The following TPD52L1 variants were observed in gnomAD, a reference collection of about 807,000 sequenced individuals.
TPD52L1 encodes tumor protein D53.
A neutral mutation model predicts 28.7 loss-of-function variants in TPD52L1; 18 were observed. The ratio of observed to expected loss-of-function variants is 0.63; its 90% CI spans 0.43 to 0.93. The LOEUF is 0.93. Ranked by LOEUF, TPD52L1 falls within the 40% of genes least tolerant of loss-of-function variation. The pLI is 0.00. For missense variants in TPD52L1, 203 were observed against 254.8 expected (o/e 0.80, Z 1.39); for synonymous variants, 75 against 88.8 (o/e 0.84, Z 0.88).
intron 5 of TPD52L1, among the ~76,000 whole-genome samples, chr6:125,255,351 C>A (rs1209271719): frequency 6.6e-6 from 1 of 152,180 alleles, no homozygotes; most frequent in Non-Finnish European, 1.5e-5. Context: ...CCAAATAAAA[C>A]CTGCAATGGA....
chr6:125,258,494 T>A (rs940180193), intron 6 of TPD52L1, among the ~76,000 whole-genome samples: 1 of 152,226 alleles, frequency 6.6e-6, no homozygotes, highest in Non-Finnish European at 1.5e-5. Context: ...CATTTGGTTT[T>A]CAGCCTTAGA....
intron 1 of TPD52L1, among the ~76,000 whole-genome samples, chr6:125,169,129 T>G (rs1229201961): frequency 6.6e-6 from 1 of 152,122 alleles, no homozygotes; most frequent in Non-Finnish European, 1.5e-5. Context: ...TTGGCGGGGT[T>G]GCCCACTATC....
intron 1 of TPD52L1, among the ~76,000 whole-genome samples, chr6:125,177,066 A>T (rs75167401): frequency 0.06 from 9,093 of 152,174 alleles, 345 homozygotes; most frequent in Middle Eastern, 0.095. Context: ...GTAAAAATGA[A>T]AAAAGAATCT....
Position 125,229,264 on chromosome 6 carries a change from T to C in TPD52L1, c.282T>C (p.Thr94=). Residue 94 remains threonine, a splice_region_variant and synonymous_variant, in exon 3 of 7, where the codon ACT becomes ACC. Coordinates refer to ENST00000534000, the MANE Select transcript of TPD52L1 (RefSeq NM_003287.4). The stretch of plus-strand genomic sequence containing the variant: ...GCTGGCATGACATGCAGACTACCAC[T>C]GCGTAAGTATCATATGAACAGTGTT... The part of the protein sequence containing the change: ...SKSWHDMQTT[T]AYKKTHETLS... The C allele has an allele frequency of 6.2e-7, 1 of 1,611,228 alleles. No individual in the cohort carries two copies. Among genetic ancestry groups the C allele is most frequent in the Non-Finnish European group, 8.5e-7 (1 of 1,178,874 alleles).
intron 1 of TPD52L1, among the ~76,000 whole-genome samples, chr6:125,216,527 GTGTATATATATATATA>G (rs1437780491): frequency 1.1e-3 from 44 of 40,184 alleles, no homozygotes; most frequent in African/African-American, 2.9e-3. Context: ...CAGTATGTGT[GTGTATATATATATATA>G]TATATATATA....
At chr6:125,194,678 G>A (rs149697944) in intron 1 of TPD52L1, among the ~76,000 whole-genome samples, 8 of 152,276 alleles carry the variant, frequency 5.3e-5, no homozygotes, top group African/African-American at 7.2e-5. Flanking sequence ...CTGCCGAAAC[G>A]AGAATGAAAT....
chr6:125,163,262 T>C (rs1790640651), intron 1 of TPD52L1, among the ~76,000 whole-genome samples: 2 of 152,230 alleles, frequency 1.3e-5, no homozygotes. Flanking sequence ...TTAGTGTTTT[T>C]ACAAATGTCA....
intron 2 of TPD52L1, among the ~76,000 whole-genome samples, chr6:125,224,470 CCTCTCTCTCT>C (rs58505448): frequency 7.0e-6 from 1 of 143,274 alleles, no homozygotes; most frequent in Non-Finnish European, 1.5e-5. Context: ...AGGCTCTGGG[CCTCTCTCTCT>C]CTCTCTCTCT....
At chr6:125,250,990 C>T (rs535909842) in intron 4 of TPD52L1, among the ~76,000 whole-genome samples, 6 of 152,236 alleles carry the variant, frequency 3.9e-5, no homozygotes, top group East Asian at 1.9e-4. Context: ...CAAACTATAT[C>T]TAACATTTGT....
chr6:125,228,194 T>C (rs1468081928), intron 2 of TPD52L1, among the ~76,000 whole-genome samples: 2 of 152,094 alleles, frequency 1.3e-5, no homozygotes, highest in African/African-American at 4.8e-5. Context: ...AGTCAGTGGC[T>C]GTCTGGTGAG....
intron 1 of TPD52L1, among the ~76,000 whole-genome samples, chr6:125,217,362 G>T (rs979396156): frequency 1.3e-5 from 2 of 152,132 alleles, no homozygotes. Flanking sequence ...GGAGCCCTGA[G>T]CTTGTTTTCT....
intron 1 of TPD52L1, among the ~76,000 whole-genome samples, chr6:125,210,656 C>T (rs534839020): frequency 5.3e-5 from 8 of 152,310 alleles, no homozygotes; most frequent in African/African-American, 1.9e-4. Context: ...ATAATAGCTT[C>T]TGTTCTTTCT....
intron 1 of TPD52L1, chr6:125,208,865 G>A (rs1270836071): frequency 2.0e-6 from 2 of 981,874 alleles, no homozygotes; most frequent in East Asian, 1.1e-4. Context: ...TGGGTCCTGA[G>A]CCCTCACACC....
intron 1 of TPD52L1, among the ~76,000 whole-genome samples, chr6:125,191,055 A>G (rs1392648333): frequency 1.3e-5 from 2 of 152,250 alleles, no homozygotes; most frequent in East Asian, 1.9e-4. Flanking sequence ...AGTGATTTGT[A>G]TATCGTGTAA....
In TPD52L1 at chr6:125,260,940, GA is replaced by G. The variant is rs1314656598; in HGVS notation, c.487-1891del. 197 of 48,410 alleles carry G rather than the reference GA, an allele frequency of 4.1e-3. 8 individuals carry two copies. Among genetic ancestry groups the G allele is most frequent in the African/African-American group, 0.035 (174 of 4,932 alleles). The allele number at this position is 48,410 out of a possible 1,614,324, so 3.0% of individuals were successfully genotyped here. On this transcript the variant is annotated intron_variant, in intron 6 of 6. Coordinates refer to ENST00000534000, the MANE Select transcript of TPD52L1 (RefSeq NM_003287.4). ...AAGAAAGAAGAAAGAAAGAAAGAAAGAAAGAAAGAAAGAAAGAAAGAAAGAA... is the reference window on the plus strand; with the variant it reads ...AAGAAAGAAGAAAGAAAGAAAGAAAGAAGAAAGAAAGAAAGAAAGAAAGAA...
At chr6:125,227,597 C>G (rs1481846103) in intron 2 of TPD52L1, among the ~76,000 whole-genome samples, 1 of 152,160 alleles carries the variant, frequency 6.6e-6, no homozygotes, top group Non-Finnish European at 1.5e-5. Flanking sequence ...ATGTGGGATA[C>G]TAAGGTAGTT....
intron 6 of TPD52L1, among the ~76,000 whole-genome samples, chr6:125,259,587 A>T (rs762855760): frequency 6.6e-6 from 1 of 152,240 alleles, no homozygotes; most frequent in African/African-American, 2.4e-5. Flanking sequence ...ATCTTCTGCC[A>T]TCTCCCAATG....
At chr6:125,231,345 T>G (rs1005881302) in intron 3 of TPD52L1, 1 of 152,208 alleles carries the variant, frequency 6.6e-6, no homozygotes, top group Non-Finnish European at 1.5e-5. Flanking sequence ...GTGTCAAGTT[T>G]GTGCAAGGTC....
chr6:125,255,047 C>G (rs903488878), intron 5 of TPD52L1, among the ~76,000 whole-genome samples: 11 of 152,138 alleles, frequency 7.2e-5, no homozygotes, highest in Admixed American at 2.0e-4. Context: ...CTTGCTCTCC[C>G]TAGAATAAGA....
Sources: allele counts gnomAD v4.1 joint callset (sites outside exome capture counted in the v4.1 genomes callset), GRCh38; gene constraint gnomAD v4.1.1; transcripts MANE v1.5; gene names NCBI Gene and HGNC (gene_info 2026-07-23, HGNC 2026-07-21).